The following ASTN2 variants were observed in gnomAD, a reference collection of about 807,000 sequenced individuals.
The protein encoded by ASTN2 is astrotactin 2.
A neutral mutation model predicts 139.8 loss-of-function variants in ASTN2; 54 were observed. The observed-to-expected ratio is 0.39, with a 90% CI of 0.31 to 0.48. ASTN2 has a LOEUF of 0.48. Among genes scored for constraint, ASTN2 ranks in the 20% least tolerant of loss-of-function variants. The probability of loss-of-function intolerance (pLI) is 0.95; values close to 1 mark genes in which losing one functional copy is unlikely to be tolerated. For missense variants in ASTN2, 1,565 were observed against 1,725.1 expected (o/e 0.91, Z 1.64); for synonymous variants, 756 against 719.5 (o/e 1.05, Z -0.81).
intron 13 of ASTN2, among the ~76,000 whole-genome samples, chr9:116,777,223 T>C (rs1159998496): frequency 6.6e-6 from 1 of 152,134 alleles, no homozygotes; most frequent in Non-Finnish European, 1.5e-5. Context: ...GAAGGGCTAC[T>C]GAGACCCAGA....
intron 21 of ASTN2, among the ~76,000 whole-genome samples, chr9:116,441,159 T>G (rs953339632): frequency 1.2e-4 from 18 of 152,170 alleles, no homozygotes; most frequent in Non-Finnish European, 7.3e-5. Context: ...TTGGATAATC[T>G]CAACACCCTC....
At chr9:116,561,694 A>G (rs55673802) in intron 19 of ASTN2, among the ~76,000 whole-genome samples, 24,129 of 152,200 alleles carry the variant, frequency 0.16, 2,077 homozygotes, top group African/African-American at 0.21. Context: ...TAAAGATCCC[A>G]TCCCTATGAG....
At chr9:116,986,837 G>A (rs1158887930) in intron 7 of ASTN2, among the ~76,000 whole-genome samples, 6 of 152,200 alleles carry the variant, frequency 3.9e-5, no homozygotes, top group Admixed American at 2.6e-4. Context: ...CCCTTTCCAG[G>A]AGAATTAAGT....
chr9:117,357,999 T>G (rs1245684530), intron 1 of ASTN2, among the ~76,000 whole-genome samples: 1 of 152,168 alleles, frequency 6.6e-6, no homozygotes, highest in Admixed American at 6.6e-5. Flanking sequence ...AAAGTCAAGT[T>G]ATTTGTATAT....
intron 16 of ASTN2, among the ~76,000 whole-genome samples, chr9:116,723,320 A>G (rs1210885556): frequency 6.6e-6 from 1 of 152,160 alleles, no homozygotes; most frequent in Non-Finnish European, 1.5e-5. Context: ...ATCTCATTTT[A>G]TTCTCCCAAA....
chr9:117,140,166 AC>A, intron 4 of ASTN2, among the ~76,000 whole-genome samples: 1 of 152,144 alleles, frequency 6.6e-6, no homozygotes, highest in Non-Finnish European at 1.5e-5. Context: ...AGAGTCAATA[AC>A]CCTTAGGGGC....
intron 10 of ASTN2, among the ~76,000 whole-genome samples, chr9:116,958,266 A>C (rs1240330028): frequency 6.6e-6 from 1 of 152,094 alleles, no homozygotes; most frequent in Non-Finnish European, 1.5e-5. Flanking sequence ...TACGAATGTC[A>C]CCATGTTTGA....
chr9:116,684,169 C>G (rs923279817), intron 16 of ASTN2, among the ~76,000 whole-genome samples: 4 of 152,154 alleles, frequency 2.6e-5, no homozygotes, highest in African/African-American at 9.7e-5. Flanking sequence ...TTTAAAAACT[C>G]TTATCTGAGA....
At chr9:116,939,702 G>C (rs1483146272) in intron 10 of ASTN2, among the ~76,000 whole-genome samples, 1 of 152,168 alleles carries the variant, frequency 6.6e-6, no homozygotes, top group Non-Finnish European at 1.5e-5. Context: ...CTGAGTGCTA[G>C]AGAGGGAAAT....
intron 1 of ASTN2, among the ~76,000 whole-genome samples, chr9:117,297,164 C>T (rs951764573): frequency 6.6e-6 from 1 of 152,232 alleles, no homozygotes; most frequent in African/African-American, 2.4e-5. Flanking sequence ...TCTGATTCTA[C>T]AGCACCAGCT....
At chr9:116,890,808 G>T (rs552860051) in intron 10 of ASTN2, among the ~76,000 whole-genome samples, 2 of 152,254 alleles carry the variant, frequency 1.3e-5, no homozygotes, top group Admixed American at 6.5e-5. Flanking sequence ...TAAGTGGCAG[G>T]GGGGTGGAGC....
chr9:116,562,239 T>A (rs1564117554), intron 19 of ASTN2: 1 of 152,216 alleles, frequency 6.6e-6, no homozygotes, highest in Admixed American at 6.5e-5. Flanking sequence ...ACAAGCCCCT[T>A]TGACATATTA....
chr9:116,614,767 A>G (rs1003228710), intron 19 of ASTN2, among the ~76,000 whole-genome samples: 1 of 152,146 alleles, frequency 6.6e-6, no homozygotes, highest in Non-Finnish European at 1.5e-5. Context: ...AACCATAAAA[A>G]CCCTAGAAGA....
At chr9:116,752,101 A>G (rs960417008) in intron 13 of ASTN2, among the ~76,000 whole-genome samples, 12 of 152,230 alleles carry the variant, frequency 7.9e-5, no homozygotes, top group African/African-American at 2.2e-4. Flanking sequence ...AAGACTTACT[A>G]TAAAGCTAGA....
intron 10 of ASTN2, among the ~76,000 whole-genome samples, chr9:116,885,666 A>G (rs528820001): frequency 2.0e-5 from 3 of 152,218 alleles, no homozygotes; most frequent in East Asian, 1.9e-4. Context: ...ACTCCATCTC[A>G]AACAAAACAA....
At chr9:116,597,310 T>G (rs1218817806) in intron 19 of ASTN2, among the ~76,000 whole-genome samples, 3 of 142,012 alleles carry the variant, frequency 2.1e-5, no homozygotes, top group Non-Finnish European at 3.1e-5. Flanking sequence ...TTTTTTTTTT[T>G]TTTTTTTTTT....
At chr9:116,524,477 G>A (rs1016943224) in intron 19 of ASTN2, among the ~76,000 whole-genome samples, 1 of 152,132 alleles carries the variant, frequency 6.6e-6, no homozygotes, top group African/African-American at 2.4e-5. Flanking sequence ...CTTTCTGAGA[G>A]GCAGCCTGGT....
intron 13 of ASTN2, among the ~76,000 whole-genome samples, chr9:116,737,901 A>C (rs148680382): frequency 6.6e-6 from 1 of 152,286 alleles, no homozygotes; most frequent in East Asian, 1.9e-4. Context: ...GTGATAAAAG[A>C]CTACATATTG....
chr9:116,753,033 G>A (rs1829439272), intron 13 of ASTN2, among the ~76,000 whole-genome samples: 1 of 152,172 alleles, frequency 6.6e-6, no homozygotes, highest in Non-Finnish European at 1.5e-5. Flanking sequence ...CCAAATGAGT[G>A]TAAAACATGT....
Sources: allele counts gnomAD v4.1 joint callset (sites outside exome capture counted in the v4.1 genomes callset), GRCh38; gene constraint gnomAD v4.1.1; transcripts MANE v1.5; gene names NCBI Gene and HGNC (gene_info 2026-07-23, HGNC 2026-07-21).